LRRN3: variants seen among roughly 807,000 people sequenced by gnomAD.
The protein encoded by LRRN3 is leucine rich repeat neuronal 3.
In LRRN3, 15 loss-of-function variants were observed where a neutral mutation model predicts 40.1. The observed-to-expected ratio is 0.37, with a 90% CI of 0.25 to 0.58. LRRN3 has a LOEUF of 0.58. Ranked by LOEUF, LRRN3 falls within the 20% of genes least tolerant of loss-of-function variation. The pLI is 0.72. For missense variants in LRRN3, 746 were observed against 837.7 expected (o/e 0.89, Z 1.35); for synonymous variants, 308 against 297.2 (o/e 1.04, Z -0.37).
At chr7:111,105,579 G>C (rs533839492) in intron 2 of LRRN3, among the ~76,000 whole-genome samples, 174 of 151,862 alleles carry the variant, frequency 1.1e-3, no homozygotes, top group Non-Finnish European at 3.7e-4. Flanking sequence ...CTGGCTGGGG[G>C]GAAAACACCC....
chr7:111,117,319 A>C (rs1464278340), intron 2 of LRRN3, among the ~76,000 whole-genome samples: 1 of 152,142 alleles, frequency 6.6e-6, no homozygotes, highest in Admixed American at 6.5e-5. Context: ...CTTACAACTC[A>C]TGCAACCAAA....
intron 2 of LRRN3, among the ~76,000 whole-genome samples, chr7:111,101,398 G>C (rs1207618804): frequency 6.6e-6 from 1 of 151,164 alleles, no homozygotes; most frequent in Non-Finnish European, 1.5e-5. Flanking sequence ...AACTCACTTG[G>C]GTACTTTTAA....
At chr7:111,121,148 T>C (rs1364334317) in intron 2 of LRRN3, among the ~76,000 whole-genome samples, 1 of 152,190 alleles carries the variant, frequency 6.6e-6, no homozygotes, top group East Asian at 1.9e-4. Context: ...GCCTGCCCAA[T>C]GCCTAGGCCA....
chr7:111,102,789 C>A (rs866073321), intron 2 of LRRN3, among the ~76,000 whole-genome samples: 9 of 151,506 alleles, frequency 5.9e-5, no homozygotes, highest in African/African-American at 2.2e-4. Context: ...AGCTCCGAAA[C>A]CATTCTTCAC....
At chr7:111,111,172 C>G (rs542184796) in intron 2 of LRRN3, among the ~76,000 whole-genome samples, 1 of 151,818 alleles carries the variant, frequency 6.6e-6, no homozygotes, top group Non-Finnish European at 1.5e-5. Flanking sequence ...AATTTATAAC[C>G]CTGTTTTGAA....
Position 111,124,176 on chromosome 7 carries a change from C to T in LRRN3, c.1404C>T (p.Thr468=), listed in dbSNP as rs749406280. 8 of 1,613,690 alleles carry T rather than the reference C, an allele frequency of 5.0e-6. No homozygotes were observed. In the African/African-American group the frequency reaches 1.1e-4, roughly 22 times the overall value. The change falls in exon 3 of 3, where the codon ACC becomes ACT. Residue 468 remains threonine (T), a synonymous_variant. Coordinates refer to ENST00000308478, the MANE Select transcript of LRRN3 (RefSeq NM_001099658.2). ...TPSGQKLLPN[T]LTDKFYVHSE... is the part of the protein sequence containing the mutation. ...CTGGTCAAAAACTCTTGCCTAATAC[C>T]CTGACAGACAAGTTCTATGTCCATT...
intron 2 of LRRN3, among the ~76,000 whole-genome samples, chr7:111,113,184 G>C (rs1391599710): frequency 6.6e-6 from 1 of 152,044 alleles, no homozygotes; most frequent in Non-Finnish European, 1.5e-5. Context: ...ATCTATACTA[G>C]GTCATTGGAC....
intron 1 of LRRN3, among the ~76,000 whole-genome samples, chr7:111,096,594 T>G (rs1335575600): frequency 6.6e-6 from 1 of 151,464 alleles, no homozygotes; most frequent in African/African-American, 2.4e-5. Context: ...CTCATCCATA[T>G]GTTTGTCTGA....
chr7:111,111,154 T>A (rs1799144100), intron 2 of LRRN3, among the ~76,000 whole-genome samples: 1 of 152,046 alleles, frequency 6.6e-6, no homozygotes, highest in South Asian at 2.1e-4. Flanking sequence ...AAGAGTGAAA[T>A]GAATGCAAAT....
At chr7:111,111,948 T>TG (rs1563254684) in intron 2 of LRRN3, among the ~76,000 whole-genome samples, 1,365 of 131,750 alleles carry the variant, frequency 0.01, 43 homozygotes, top group African/African-American at 0.036. Context: ...GTTTGTTTTT[T>TG]TTTTTTTTTT....
At chr7:111,110,885 G>A (rs1799115382) in intron 2 of LRRN3, among the ~76,000 whole-genome samples, 1 of 152,140 alleles carries the variant, frequency 6.6e-6, no homozygotes, top group Non-Finnish European at 1.5e-5. Context: ...ATGTGACTGT[G>A]AAGGGAAAAT....
In LRRN3 at chr7:111,122,488, C is replaced by T. The variant is rs536579421; in HGVS notation, c.-285C>T. ...ATTTTACTTCTAAATAAATGAATTACTCAATCTCCTATGACCATCTATACA... is the reference window on the plus strand; with the variant it reads ...ATTTTACTTCTAAATAAATGAATTATTCAATCTCCTATGACCATCTATACA... On this transcript the variant is annotated 5_prime_UTR_variant, in exon 3 of 3. Coordinates refer to ENST00000308478, the MANE Select transcript of LRRN3 (RefSeq NM_001099658.2). 5.9e-4 allele frequency: 172 copies of T among 290,372 alleles called. No individual in the cohort carries two copies. Among genetic ancestry groups the T allele is most frequent in the Admixed American group, 1.5e-3 (31 of 21,322 alleles). 18.0% of individuals were successfully genotyped at this position (290,372 alleles called of 1,614,324 possible). A position where few individuals can be genotyped will look rare whatever the true frequency, so the allele number is the denominator to read the frequency against.
chr7:111,094,431 G>T (rs112439007), intron 1 of LRRN3, among the ~76,000 whole-genome samples: 131 of 152,098 alleles, frequency 8.6e-4, no homozygotes, highest in African/African-American at 3.0e-3. Flanking sequence ...AAATAATGTG[G>T]CTCCAGCCAG....
At chr7:111,100,139 A>T (rs1416994886) in intron 2 of LRRN3, among the ~76,000 whole-genome samples, 177 bp downstream of exon 2, 1 of 151,514 alleles carries the variant, frequency 6.6e-6, no homozygotes, top group African/African-American at 2.4e-5. Flanking sequence ...TCTTTTTTTT[A>T]AATTTCAATA....
In LRRN3 at chr7:111,123,150, C is replaced by T. The variant is rs139382575; in HGVS notation, c.378C>T (p.Asn126=). 1.9e-4 allele frequency: 305 copies of T among 1,613,916 alleles called. 1 individual carries two copies. The African/African-American group carries it at 3.0e-3, about 16-fold the overall frequency. The change falls in exon 3 of 3, where the codon AAC becomes AAT. Residue 126 remains asparagine, a synonymous_variant. Coordinates refer to ENST00000308478, the MANE Select transcript of LRRN3 (RefSeq NM_001099658.2). This position sits in a 1 kb window ranked among gnomAD's most constrained non-coding sequence, Gnocchi z 6.4. ...PQLLSVYLEE[N]KLTELPEKCL... ...TCCTTTCTGTGTACCTAGAGGAAAA[C>T]AAACTTACTGAACTGCCTGAAAAAT...
rs1800815627 is a variant in LRRN3, at chr7:111,122,821, A to T, written c.49A>T (p.Thr17Ser). ...TCATGTGCTACTTGGCCTAGCTATC[A>T]CTACACTAGTACAAGCTGTAGATAA... ...RIHVLLGLAI[T>S]TLVQAVDKKV... Residue 17 changes from threonine (T) to serine (S), a missense_variant, in exon 3 of 3, where the codon ACT becomes TCT. Coordinates refer to ENST00000308478, the MANE Select transcript of LRRN3 (RefSeq NM_001099658.2). 1 of 1,613,730 alleles carries T rather than the reference A, an allele frequency of 6.2e-7. No homozygotes were observed. Among genetic ancestry groups the T allele is most frequent in the African/African-American group, 1.3e-5 (1 of 74,922 alleles).
At chr7:111,120,027 G>A (rs1800396776) in intron 2 of LRRN3, among the ~76,000 whole-genome samples, 1 of 152,158 alleles carries the variant, frequency 6.6e-6, no homozygotes, top group Non-Finnish European at 1.5e-5. Context: ...GCAGAGTGAT[G>A]CAACCATAGC....
intron 2 of LRRN3, among the ~76,000 whole-genome samples, chr7:111,121,511 A>C (rs1206970866): frequency 6.6e-6 from 1 of 152,224 alleles, no homozygotes; most frequent in Non-Finnish European, 1.5e-5. Flanking sequence ...AGAGAAATGC[A>C]AATCAAAACC....
intron 1 of LRRN3, among the ~76,000 whole-genome samples, chr7:111,095,434 T>C (rs1219117918): frequency 6.6e-6 from 1 of 151,856 alleles, no homozygotes; most frequent in Non-Finnish European, 1.5e-5. Context: ...TCCCCCCAAA[T>C]TCACAGATAT....
Sources: gnomAD v4.1 joint callset for allele counts (sites outside exome capture counted in the v4.1 genomes callset) on GRCh38, gnomAD v4.1.1 for gene constraint, Gnocchi (gnomAD v3.1) non-coding constraint, MANE v1.5 for transcripts, NCBI Gene and HGNC (gene_info 2026-07-23, HGNC 2026-07-21) for gene names.